The following DTX1 variants were observed in gnomAD, a reference collection of about 807,000 sequenced individuals.
The protein encoded by DTX1 is deltex E3 ubiquitin ligase 1.
A neutral mutation model predicts 57.8 loss-of-function variants in DTX1; 26 were observed. The ratio of observed to expected loss-of-function variants is 0.45; its 90% CI spans 0.33 to 0.62. The LOEUF (loss-of-function observed/expected upper bound fraction) is 0.62. DTX1 is among the 20% of genes least tolerant of loss of function. DTX1 has a pLI of 0.02. For synonymous variants in DTX1, 398 were observed against 394.1 expected (o/e 1.01, Z -0.12); for missense variants, 704 against 895.3 (o/e 0.79, Z 2.73).
chr12:113,065,500 C>T (rs1315813089), intron 2 of DTX1, among the ~76,000 whole-genome samples: 2 of 152,164 alleles, frequency 1.3e-5, no homozygotes, highest in African/African-American at 2.4e-5. Flanking sequence ...CTCTCCCTCT[C>T]CTTCTCCTCC....
chr12:113,061,794 G>A (rs1592840833), intron 2 of DTX1, among the ~76,000 whole-genome samples: 3 of 151,630 alleles, frequency 2.0e-5, no homozygotes, highest in South Asian at 2.1e-4. Context: ...CTCTTTCCCC[G>A]GGTTCAAGTG....
At chr12:113,057,425 C>CG in intron 1 of DTX1, 24 bp from the exon 2 acceptor site, 1 of 152,446 alleles carries the variant, frequency 6.6e-6, no homozygotes, top group African/African-American at 2.4e-5. Context: ...TTAAAGGGCC[C>CG]TCTCCCCTCT....
At chr12:113,079,515 C>CTTTTTTTTTTTT (rs3038193) in intron 3 of DTX1, among the ~76,000 whole-genome samples, 1 of 77,172 alleles carries the variant, frequency 1.3e-5, no homozygotes, top group African/African-American at 6.1e-5. Context: ...GGCCACTTCT[C>CTTTTTTTTTTTT]TTTTTTTTTT....
chr12:113,065,628 A>G (rs2044698813), intron 2 of DTX1, among the ~76,000 whole-genome samples: 1 of 152,074 alleles, frequency 6.6e-6, no homozygotes. Context: ...AGGAGATGGA[A>G]GCTGTGATGG....
chr12:113,078,165 G>A (rs922445686), intron 3 of DTX1, 60 bp downstream of exon 3: 2 of 1,248,060 alleles, frequency 1.6e-6, no homozygotes, highest in East Asian at 3.7e-5. Flanking sequence ...GACGAAGCCC[G>A]GGGGTGGTTG....
At chr12:113,084,204 G>C (rs1049027583) in intron 3 of DTX1, among the ~76,000 whole-genome samples, 4 of 152,228 alleles carry the variant, frequency 2.6e-5, no homozygotes, top group Non-Finnish European at 5.9e-5. Context: ...GGGGACCTGC[G>C]GGGGTGGGGA....
chr12:113,090,887 T>C (rs1950242406), intron 3 of DTX1, among the ~76,000 whole-genome samples: 1 of 152,200 alleles, frequency 6.6e-6, no homozygotes, highest in South Asian at 2.1e-4. Flanking sequence ...GGTCAGAGCA[T>C]GTGCGCATGT....
At chr12:113,075,023 CA>C (rs2044761291) in intron 2 of DTX1, among the ~76,000 whole-genome samples, 2 of 152,134 alleles carry the variant, frequency 1.3e-5, no homozygotes, top group South Asian at 4.1e-4. Flanking sequence ...ACCTGGCTCC[CA>C]GGGGAGAAGA....
intron 3 of DTX1, among the ~76,000 whole-genome samples, chr12:113,082,486 A>G (rs1475486067): frequency 1.3e-5 from 2 of 152,188 alleles, no homozygotes; most frequent in Admixed American, 1.3e-4. Context: ...GGGGAAAGGG[A>G]TGGAGGTGGG....
intron 2 of DTX1, among the ~76,000 whole-genome samples, chr12:113,066,959 G>C (rs551923196): frequency 5.9e-5 from 9 of 152,140 alleles, no homozygotes; most frequent in Non-Finnish European, 1.2e-4. Context: ...CTGGCCAAGC[G>C]CCTCTCCCTC....
Position 113,077,215 on chromosome 12 carries a change from C to T in DTX1, c.260-209C>T, listed in dbSNP as rs2044778522. 6.6e-6 allele frequency among the ~76,000 whole-genome samples: 1 copy of T among 152,196 alleles called. No individual in the cohort carries two copies. The highest frequency in any genetic ancestry group is 6.5e-5 in the Admixed American group (1 of 15,292). On this transcript the variant is annotated intron_variant, in intron 2 of 9. Coordinates refer to ENST00000548759, the MANE Select transcript of DTX1 (RefSeq NM_004416.3). This position sits in a 1 kb window ranked among gnomAD's most constrained non-coding sequence, Gnocchi z 7.8. ...ACCCTGGCTGCCGCCTGTCCTGACC[C>T]TCCAGCCTGTGCTGAACCTCATGCC...
intron 3 of DTX1, among the ~76,000 whole-genome samples, chr12:113,082,617 C>G (rs764009375): frequency 6.6e-6 from 1 of 152,118 alleles, no homozygotes; most frequent in Non-Finnish European, 1.5e-5. Context: ...TTTTTAGAGA[C>G]AGAGCCTCGC....
At chr12:113,082,516 C>T (rs376519490) in intron 3 of DTX1, among the ~76,000 whole-genome samples, 2 of 152,200 alleles carry the variant, frequency 1.3e-5, no homozygotes, top group Non-Finnish European at 2.9e-5. Flanking sequence ...AGGAGCCAGG[C>T]AGACAGGTCT....
At chr12:113,096,633 G>C in intron 9 of DTX1, 82 bp from the exon 10 acceptor site, 1 of 1,349,660 alleles carries the variant, frequency 7.4e-7, no homozygotes, top group Non-Finnish European at 1.0e-6. Context: ...TGATGTGGCA[G>C]GGGAGGGAGG....
At chr12:113,061,007 C>A (rs1373261762) in intron 2 of DTX1, among the ~76,000 whole-genome samples, 1 of 152,164 alleles carries the variant, frequency 6.6e-6, no homozygotes, top group East Asian at 1.9e-4. Flanking sequence ...TGGGGGGACC[C>A]CCATTTCTAT....
chr12:113,062,057 ACAC>A (rs2044668468), intron 2 of DTX1, among the ~76,000 whole-genome samples: 1 of 151,914 alleles, frequency 6.6e-6, no homozygotes, highest in Non-Finnish European at 1.5e-5. Flanking sequence ...ACACACACAC[ACAC>A]ACACACACAC....
intron 2 of DTX1, among the ~76,000 whole-genome samples, chr12:113,072,696 CT>C (rs60642403): frequency 0.071 from 5,047 of 71,046 alleles, 43 homozygotes; most frequent in African/African-American, 0.11. Context: ...GAGAGATTTT[CT>C]TTTTTTTTTT....
chr12:113,087,204 G>A (rs2044867428), intron 3 of DTX1, among the ~76,000 whole-genome samples: 2 of 152,190 alleles, frequency 1.3e-5, no homozygotes, highest in Admixed American at 6.5e-5. Context: ...AATGTCTCCC[G>A]AGGGGACTTT....
rs760427480 is a variant in DTX1 at position 113,096,968 on chromosome 12, C to T, written c.*29C>T. The T allele has an allele frequency of 6.3e-7, 1 of 1,587,698 alleles. No individual in the cohort carries two copies. Among genetic ancestry groups the T allele is most frequent in the Non-Finnish European group, 8.6e-7 (1 of 1,168,698 alleles). ...CCAAGGCTGCCCACCTTCCCTCCTG[C>T]TTTGCCCCTGGTCCGGCAAATGCCT... On this transcript the variant is annotated 3_prime_UTR_variant, in exon 10 of 10. Transcript: ENST00000548759.
Sources: gnomAD v4.1 joint callset for allele counts (sites outside exome capture counted in the v4.1 genomes callset) on GRCh38, gnomAD v4.1.1 for gene constraint, Gnocchi (gnomAD v3.1) non-coding constraint, MANE v1.5 for transcripts, NCBI Gene and HGNC (gene_info 2026-07-23, HGNC 2026-07-21) for gene names.